Variants in LYN observed in about 807,000 individuals in gnomAD.
LYN encodes the protein tyrosine-protein kinase Lyn.
A neutral mutation model predicts 65.0 loss-of-function variants in LYN; 12 were observed. The observed-to-expected ratio is 0.18, with a 90% CI of 0.12 to 0.30. The LOEUF (loss-of-function observed/expected upper bound fraction) is 0.30, where lower values mean the gene tolerates loss of function less well. LYN is among the 10% of genes least tolerant of loss of function. The pLI is 1.00. For missense variants in LYN, 380 were observed against 623.2 expected (o/e 0.61, Z 4.16); for synonymous variants, 222 against 221.2 (o/e 1.00, Z -0.03).
At chr8:55,912,490 C>T (rs908494781) in intron 1 of LYN, among the ~76,000 whole-genome samples, 11 of 152,106 alleles carry the variant, frequency 7.2e-5, no homozygotes, top group Non-Finnish European at 1.6e-4. Context: ...TTTGGGAGGT[C>T]GAGGCAAGCG....
At chr8:56,009,784 A>G in intron 12 of LYN, 124 bp from the exon 13 acceptor site, 1 of 765,558 alleles carries the variant, frequency 1.3e-6, no homozygotes, top group Admixed American at 2.7e-5. Flanking sequence ...TAACAGCCTC[A>G]GTAAAGCTTG....
rs550581623 is a variant in LYN, at chr8:55,899,703, G to A, written c.-6+19600G>A. Among the ~76,000 whole-genome samples the A allele has an allele frequency of 2.6e-5, 4 of 152,222 alleles. No individual in the cohort carries two copies. In the East Asian group the frequency reaches 5.8e-4, roughly 22 times the overall value. Reference sequence around the variant, plus strand: ...CTTACACAGTTACCCAGGCTGGAGTGCAATGGCACGATCTCAGTTCACTGC... The same window carrying A: ...CTTACACAGTTACCCAGGCTGGAGTACAATGGCACGATCTCAGTTCACTGC... On this transcript the variant is annotated intron_variant, in intron 1 of 12. Coordinates refer to ENST00000519728, the MANE Select transcript of LYN (RefSeq NM_002350.4).
intron 8 of LYN, among the ~76,000 whole-genome samples, chr8:55,955,480 T>A (rs1444018745): frequency 2.6e-5 from 4 of 152,178 alleles, no homozygotes; most frequent in African/African-American, 9.6e-5. Context: ...CCATGCACAC[T>A]CTGTTGTCTT....
chr8:56,008,145 A>G (rs1335414777), intron 12 of LYN, among the ~76,000 whole-genome samples: 1 of 150,108 alleles, frequency 6.7e-6, no homozygotes, highest in East Asian at 1.9e-4. Flanking sequence ...AAAATAAAAT[A>G]AAATAAAATA....
chr8:55,988,858 TG>T (rs1808158313), intron 10 of LYN, among the ~76,000 whole-genome samples: 1 of 150,706 alleles, frequency 6.6e-6, no homozygotes, highest in African/African-American at 2.4e-5. Context: ...CTGACAGAAA[TG>T]GGGGTTCTTC....
At chr8:55,913,528 G>T (rs1805699441) in intron 1 of LYN, among the ~76,000 whole-genome samples, 1 of 152,168 alleles carries the variant, frequency 6.6e-6, no homozygotes. Flanking sequence ...CTACATTAAA[G>T]GTACCAGTGC....
rs979830895 is a variant in LYN, at chr8:56,010,250, C to T, written c.*140C>T. On this transcript the variant is annotated 3_prime_UTR_variant, in exon 13 of 13. Coordinates refer to ENST00000519728, the MANE Select transcript of LYN (RefSeq NM_002350.4). The stretch of plus-strand genomic sequence containing the variant: ...ATCCTGAAATAGAGGCTAAATTACT[C>T]AGGAAGAACACCCTCTAAATGGGAA... 18 of 772,348 alleles carry T rather than the reference C, an allele frequency of 2.3e-5. No individual in the cohort carries two copies. Among genetic ancestry groups the T allele is most frequent in the Non-Finnish European group, 3.6e-5 (17 of 476,248 alleles). The allele number at this position is 772,348 out of a possible 1,614,324, so 47.8% of individuals were successfully genotyped here. A position where few individuals can be genotyped will look rare whatever the true frequency, so the allele number is the denominator to read the frequency against.
intron 8 of LYN, among the ~76,000 whole-genome samples, chr8:55,966,258 C>G (rs907758163): frequency 4.0e-5 from 6 of 150,742 alleles, no homozygotes; most frequent in Non-Finnish European, 8.8e-5. Context: ...TTCCTAGATA[C>G]TTTTCATCTA....
At chr8:56,009,333 T>C (rs796891440) in intron 12 of LYN, among the ~76,000 whole-genome samples, 8 of 152,346 alleles carry the variant, frequency 5.3e-5, no homozygotes, top group African/African-American at 1.7e-4. Flanking sequence ...GCTGTCTTGA[T>C]CCCCTCCATG....
chr8:56,008,910 G>C (rs1240499050), intron 12 of LYN, among the ~76,000 whole-genome samples: 1 of 152,174 alleles, frequency 6.6e-6, no homozygotes, highest in African/African-American at 2.4e-5. Context: ...TTAAAAGACA[G>C]TGACATCCAC....
intron 1 of LYN, among the ~76,000 whole-genome samples, chr8:55,938,134 A>T (rs1349573539): frequency 1.3e-5 from 2 of 152,260 alleles, no homozygotes; most frequent in Non-Finnish European, 2.9e-5. Flanking sequence ...ATTCATTCCA[A>T]TGAAAGAAAG....
At chr8:55,893,228 A>C (rs1037865296) in intron 1 of LYN, among the ~76,000 whole-genome samples, 1 of 152,214 alleles carries the variant, frequency 6.6e-6, no homozygotes, top group Non-Finnish European at 1.5e-5. Flanking sequence ...ATACCTTTTT[A>C]TTCATCCATT....
chr8:55,936,016 G>A (rs778451281), intron 1 of LYN, among the ~76,000 whole-genome samples: 4 of 152,114 alleles, frequency 2.6e-5, no homozygotes, highest in Admixed American at 6.5e-5. Context: ...TCTCCTTTCC[G>A]AAAGTAAAGT....
intron 1 of LYN, among the ~76,000 whole-genome samples, chr8:55,899,368 T>A (rs1805198030): frequency 6.6e-6 from 1 of 152,238 alleles, no homozygotes; most frequent in African/African-American, 2.4e-5. Context: ...TTGTTTTATT[T>A]AACTTTGAAA....
At chr8:55,960,863 G>A (rs549756687) in intron 8 of LYN, among the ~76,000 whole-genome samples, 16 of 152,166 alleles carry the variant, frequency 1.1e-4, no homozygotes, top group Non-Finnish European at 2.1e-4. Flanking sequence ...GCTGGGTGGG[G>A]ATAAAAGAAA....
chr8:55,911,702 C>T (rs1024045777), intron 1 of LYN, among the ~76,000 whole-genome samples: 1 of 152,022 alleles, frequency 6.6e-6, no homozygotes, highest in African/African-American at 2.4e-5. Flanking sequence ...GCCCTGGAGA[C>T]TGAGGCAGGG....
chr8:55,938,721 ATC>A lies in LYN; in HGVS notation c.-5-3130_-5-3129del, dbSNP rs775432707. On this transcript the variant is annotated intron_variant, in intron 1 of 12. Transcript: ENST00000519728. ...GAGAAAGAGGTAGCCTATAAAAATA[ATC>A]TCTTTGTTTGGCATTGTTAATAAAT... 1.8e-4 allele frequency among the ~76,000 whole-genome samples: 27 copies of A among 152,234 alleles called. 1 individual carries two copies. The highest frequency in any genetic ancestry group is 9.8e-4 in the Admixed American group (15 of 15,278).
intron 8 of LYN, among the ~76,000 whole-genome samples, 156 bp from the exon 9 acceptor site, chr8:55,966,559 G>A (rs980599632): frequency 6.6e-6 from 1 of 151,916 alleles, no homozygotes; most frequent in Non-Finnish European, 1.5e-5. Flanking sequence ...GTAGACATGG[G>A]GTTTCACTGT....
intron 12 of LYN, among the ~76,000 whole-genome samples, chr8:56,002,930 G>A (rs541676986): frequency 3.5e-4 from 54 of 152,146 alleles, no homozygotes; most frequent in African/African-American, 1.1e-3. Flanking sequence ...CACAGAAATC[G>A]GTAAACATTG....
Sources: allele counts gnomAD v4.1 joint callset (sites outside exome capture counted in the v4.1 genomes callset), GRCh38; gene constraint gnomAD v4.1.1; transcripts MANE v1.5; gene names NCBI Gene and HGNC (gene_info 2026-07-23, HGNC 2026-07-21).